Variants in PAPPA2 observed in about 807,000 individuals in gnomAD.
PAPPA2 encodes the protein pappalysin 2, also known as pappalysin-2.
A neutral mutation model predicts 176.4 loss-of-function variants in PAPPA2; 86 were observed. The ratio of observed to expected loss-of-function variants is 0.49; its 90% CI spans 0.41 to 0.58. The LOEUF (loss-of-function observed/expected upper bound fraction) is 0.58, where lower values mean the gene tolerates loss of function less well. Ranked by LOEUF, PAPPA2 falls within the 20% of genes least tolerant of loss-of-function variation. PAPPA2 has a pLI of 0.00. For missense variants in PAPPA2, 2,073 were observed against 2,256.9 expected (o/e 0.92, Z 1.65); for synonymous variants, 809 against 852.2 (o/e 0.95, Z 0.88).
chr1:176,605,612 A>G (rs1434755982), intron 3 of PAPPA2, among the ~76,000 whole-genome samples: 7 of 152,178 alleles, frequency 4.6e-5, no homozygotes, highest in South Asian at 2.1e-4. Flanking sequence ...TTTATATCCT[A>G]TTGACAGTTG....
intron 12 of PAPPA2, among the ~76,000 whole-genome samples, chr1:176,723,735 ACT>A (rs1661731316): frequency 6.6e-6 from 1 of 152,102 alleles, no homozygotes; most frequent in South Asian, 2.1e-4. Flanking sequence ...CTGAAATAAT[ACT>A]CTTAGTTTTT....
At chr1:176,542,967 T>C (rs997063115) in intron 1 of PAPPA2, among the ~76,000 whole-genome samples, 2 of 152,176 alleles carry the variant, frequency 1.3e-5, no homozygotes, top group African/African-American at 4.8e-5. Flanking sequence ...CCAGTATGAG[T>C]TCTTTTAATT....
rs74993311 is a variant in PAPPA2, at chr1:176,826,243, G to T, written c.5203-13930G>T. ...GAAAATACAACTGAGAGATGAAGAT[G>T]GAGTGCTGACAACCTGTTAGGAACC... On this transcript the variant is annotated intron_variant, in intron 21 of 22. Transcript: ENST00000367662. Among the ~76,000 whole-genome samples the T allele has an allele frequency of 8.3e-3, 1,265 of 152,226 alleles. 10 individuals carry two copies. The highest frequency in any genetic ancestry group is 0.029 in the African/African-American group (1,192 of 41,536).
chr1:176,557,250 C>T lies in PAPPA2; in HGVS notation c.919+9C>T. On this transcript the variant is annotated intron_variant, in intron 2 of 22. Coordinates refer to ENST00000367662, the MANE Select transcript of PAPPA2 (RefSeq NM_020318.3). ...CCCAGCCATCATCGCAGGTAACACC[C>T]TTCTCCTGGGCTTTCTGAAATCCTG... 1 of 1,563,048 alleles carries T rather than the reference C, an allele frequency of 6.4e-7. No homozygotes were observed. Among genetic ancestry groups the T allele is most frequent in the Non-Finnish European group, 8.7e-7 (1 of 1,154,584 alleles).
chr1:176,821,004 CA>C (rs1666642408), intron 21 of PAPPA2, among the ~76,000 whole-genome samples: 1 of 152,130 alleles, frequency 6.6e-6, no homozygotes, highest in Non-Finnish European at 1.5e-5. Flanking sequence ...TGCCTCATAC[CA>C]TTTTTCAGTC....
chr1:176,822,914 C>T (rs1028755876), intron 21 of PAPPA2, among the ~76,000 whole-genome samples: 27 of 152,282 alleles, frequency 1.8e-4, no homozygotes, highest in Admixed American at 1.0e-3. Context: ...CATCTCTTCT[C>T]GCAGTACCTT....
At chr1:176,825,078 C>T (rs1648072625) in intron 21 of PAPPA2, among the ~76,000 whole-genome samples, 1 of 152,210 alleles carries the variant, frequency 6.6e-6, no homozygotes. Flanking sequence ...ATGATCTGTT[C>T]ACTTCTTAGT....
intron 14 of PAPPA2, among the ~76,000 whole-genome samples, chr1:176,749,468 G>A (rs1663064525): frequency 6.6e-6 from 1 of 152,122 alleles, no homozygotes; most frequent in Non-Finnish European, 1.5e-5. Context: ...CAAATCTGTA[G>A]TTTACATTAG....
intron 2 of PAPPA2, 100 bp downstream of exon 2, chr1:176,557,341 C>A (rs1651380202): frequency 2.2e-6 from 3 of 1,356,452 alleles, no homozygotes; most frequent in Non-Finnish European, 2.9e-6. Flanking sequence ...GGGGACCCAA[C>A]AGGAAAGCCA....
intron 1 of PAPPA2, among the ~76,000 whole-genome samples, chr1:176,521,611 C>A (rs921240677): frequency 2.0e-5 from 3 of 152,194 alleles, no homozygotes; most frequent in Non-Finnish European, 4.4e-5. Flanking sequence ...TAATCAAAAC[C>A]TCTGGAATTC....
intron 2 of PAPPA2, among the ~76,000 whole-genome samples, chr1:176,588,024 T>C (rs1000288616): frequency 6.6e-6 from 1 of 152,264 alleles, no homozygotes; most frequent in African/African-American, 2.4e-5. Context: ...TTCACAATAT[T>C]GATTCTTCCT....
intron 3 of PAPPA2, among the ~76,000 whole-genome samples, chr1:176,632,228 G>GGTGTGTGTGTGT (rs755065819): frequency 1.5e-3 from 203 of 137,844 alleles, no homozygotes; most frequent in Non-Finnish European, 2.5e-3. Context: ...AATTAGTAGT[G>GGTGTGTGTGTGT]ATGTGTGTGT....
chr1:176,623,758 C>CCTTCCTTTCTTT (rs1198828841), intron 3 of PAPPA2, among the ~76,000 whole-genome samples: 1,375 of 58,964 alleles, frequency 0.023, 160 homozygotes, highest in African/African-American at 0.091. Context: ...TTCCTTCCTT[C>CCTTCCTTTCTTT]CTTTCTTTCT....
intron 21 of PAPPA2, among the ~76,000 whole-genome samples, chr1:176,827,825 A>G (rs16850233): frequency 0.059 from 9,010 of 152,212 alleles, 891 homozygotes; most frequent in African/African-American, 0.21. Flanking sequence ...TTATAGTAAA[A>G]TAGATGTTAA....
rs1023365789 is a variant in PAPPA2, at chr1:176,616,620, A to G, written c.1991+21025A>G. 3.2e-6 allele frequency: 5 copies of G among 1,569,602 alleles called. No individual in the cohort carries two copies. The Admixed American group carries it at 6.7e-5, about 21-fold the overall frequency. ...AACATGGATACCTTCTTTCTCCACAAGAGTAGTGTCATAAGTTGCTTCACA... is the reference window on the plus strand; with the variant it reads ...AACATGGATACCTTCTTTCTCCACAGGAGTAGTGTCATAAGTTGCTTCACA... On this transcript the variant is annotated intron_variant, in intron 3 of 22. Coordinates refer to ENST00000367662, the MANE Select transcript of PAPPA2 (RefSeq NM_020318.3).
At chr1:176,581,922 C>CTTTTTTT (rs538920194) in intron 2 of PAPPA2, among the ~76,000 whole-genome samples, 28 of 80,994 alleles carry the variant, frequency 3.5e-4, no homozygotes, top group South Asian at 9.2e-4. Context: ...TTCTTTCTTT[C>CTTTTTTT]TTTTTTTTTT....
intron 3 of PAPPA2, among the ~76,000 whole-genome samples, chr1:176,636,646 A>G (rs980009389): frequency 1.3e-5 from 2 of 152,166 alleles, no homozygotes; most frequent in Non-Finnish European, 2.9e-5. Context: ...CAGCAGATTC[A>G]TCAGATTTTT....
intron 1 of PAPPA2, among the ~76,000 whole-genome samples, chr1:176,481,274 A>G (rs1177567154): frequency 2.3e-4 from 27 of 115,416 alleles, no homozygotes; most frequent in African/African-American, 9.0e-4. Context: ...ACACACACAC[A>G]CACACACACA....
chr1:176,810,400 G>A (rs890204292), intron 21 of PAPPA2, among the ~76,000 whole-genome samples: 7 of 152,124 alleles, frequency 4.6e-5, no homozygotes, highest in East Asian at 3.9e-4. Context: ...GGACAGTGTC[G>A]GTGGGGGGAG....
Sources: gnomAD v4.1 joint callset for allele counts (sites outside exome capture counted in the v4.1 genomes callset) on GRCh38, gnomAD v4.1.1 for gene constraint, MANE v1.5 for transcripts, NCBI Gene and HGNC (gene_info 2026-07-23, HGNC 2026-07-21) for gene names.